PCNX1: variants seen among roughly 807,000 people sequenced by gnomAD.
PCNX1 encodes pecanex-like protein 1.
A neutral mutation model predicts 242.2 loss-of-function variants in PCNX1; 78 were observed. The ratio of observed to expected loss-of-function variants is 0.32; its 90% CI spans 0.27 to 0.39. The LOEUF (loss-of-function observed/expected upper bound fraction) is 0.39, where lower values mean the gene tolerates loss of function less well. Ranked by LOEUF, PCNX1 falls within the 10% of genes least tolerant of loss-of-function variation. The pLI is 1.00. For missense variants in PCNX1, 2,581 were observed against 2,856.5 expected, an observed-to-expected ratio of 0.90 and a Z score of 2.20; for synonymous variants, 1,024 against 1,032.9, an observed-to-expected ratio of 0.99 and a Z score of 0.17.
At chr14:70,921,979 T>A (rs1462495632) in intron 1 of PCNX1, among the ~76,000 whole-genome samples, 1 of 152,222 alleles carries the variant, frequency 6.6e-6, no homozygotes, top group East Asian at 1.9e-4. Context: ...TGATGGCCAT[T>A]CCAAGTTAAC....
chr14:71,100,480 C>T (rs999258458), intron 30 of PCNX1, among the ~76,000 whole-genome samples: 1 of 152,130 alleles, frequency 6.6e-6, no homozygotes, highest in Non-Finnish European at 1.5e-5. Context: ...GATGGGGTTC[C>T]CTTTTTATGT....
intron 26 of PCNX1, among the ~76,000 whole-genome samples, chr14:71,062,510 T>A (rs1307616172): frequency 1.3e-5 from 2 of 151,892 alleles, no homozygotes; most frequent in Admixed American, 6.5e-5. Flanking sequence ...ATTAAAAAAA[T>A]TTTAAAAAAG....
intron 8 of PCNX1, among the ~76,000 whole-genome samples, chr14:70,997,039 G>A (rs180897785): frequency 2.3e-4 from 35 of 152,108 alleles, no homozygotes; most frequent in Non-Finnish European, 3.1e-4. Flanking sequence ...TAAATAAAAT[G>A]AGAAAGCAAT....
intron 1 of PCNX1, among the ~76,000 whole-genome samples, chr14:70,932,890 G>T (rs2056859572): frequency 6.6e-6 from 1 of 152,056 alleles, no homozygotes; most frequent in Non-Finnish European, 1.5e-5. Context: ...GAGATTACAG[G>T]CTTGAGCCAC....
In PCNX1 at chr14:71,036,073, A is replaced by T; in HGVS notation, c.3783A>T (p.Arg1261=). ...PEKLRNSVSE[R]LQSDLVVCIV... ...CTTTTTTTTCCCCACAGAGTGAGCG[A>T]TTACAGTCTGACCTGGTAGTATGCA... Residue 1261 remains arginine, a synonymous_variant, in exon 19 of 36, where the codon CGA becomes CGT. Transcript: ENST00000304743. 1.9e-6 allele frequency: 3 copies of T among 1,596,030 alleles called. No individual in the cohort carries two copies. The highest frequency in any genetic ancestry group is 2.6e-6 in the Non-Finnish European group (3 of 1,164,092).
chr14:71,101,527 G>C (rs1396886414), intron 30 of PCNX1, among the ~76,000 whole-genome samples: 1 of 152,170 alleles, frequency 6.6e-6, no homozygotes, highest in Non-Finnish European at 1.5e-5. Context: ...TTAACTAGGT[G>C]AGAGGCAGGA....
intron 26 of PCNX1, among the ~76,000 whole-genome samples, chr14:71,066,909 G>A (rs1197276546): frequency 6.6e-5 from 10 of 152,026 alleles, no homozygotes; most frequent in Non-Finnish European, 2.9e-5. Flanking sequence ...GATGGATTAC[G>A]TTTATTGATT....
At chr14:71,073,043 C>T (rs2061624132) in intron 26 of PCNX1, among the ~76,000 whole-genome samples, 1 of 152,228 alleles carries the variant, frequency 6.6e-6, no homozygotes, top group Non-Finnish European at 1.5e-5. Context: ...GTGGCTCATG[C>T]CTGTAATCTC....
chr14:71,023,026 A>G (rs528690509), intron 12 of PCNX1, among the ~76,000 whole-genome samples, 174 bp from the exon 13 acceptor site: 1 of 152,144 alleles, frequency 6.6e-6, no homozygotes, highest in South Asian at 2.1e-4. Flanking sequence ...TTAATATCAC[A>G]GTGACACTGG....
At chr14:70,989,534 ATTTT>A (rs34767376) in intron 7 of PCNX1, among the ~76,000 whole-genome samples, 3 of 126,364 alleles carry the variant, frequency 2.4e-5, no homozygotes, top group Non-Finnish European at 3.2e-5. Flanking sequence ...ACAGATATAA[ATTTT>A]TTTTTTTTTT....
At position 71,026,206 on chromosome 14, in the gene PCNX1, C is replaced by T. The variant is rs764289998; in HGVS notation, c.3273C>T (p.Asn1091=). 1 of 1,610,378 alleles carries T rather than the reference C, an allele frequency of 6.2e-7. No homozygotes were observed. Among genetic ancestry groups the T allele is most frequent in the South Asian group, 1.1e-5 (1 of 90,650 alleles). The part of the protein sequence containing the change: ...LIWLLDYGSR[N]LTATKFKLYG... The stretch of plus-strand genomic sequence containing the variant: ...GGCTCTTGGATTATGGTAGCAGAAA[C>T]CTGACTGCAACCAAGTTCAAATTAT... Residue 1091 remains asparagine (N), a synonymous_variant, in exon 14 of 36, where the codon AAC becomes AAT. Transcript: ENST00000304743.
In PCNX1 at chr14:71,114,294, T is replaced by C. The variant is rs1467759674; in HGVS notation, c.*4359T>C. The C allele has an allele frequency of 1.3e-5, 2 of 152,200 alleles. No homozygotes were observed. The highest frequency in any genetic ancestry group is 3.8e-4 in the East Asian group (2 of 5,200). The allele number at this position is 152,200 out of a possible 1,614,324, so 9.4% of individuals were successfully genotyped here. A position where few individuals can be genotyped will look rare whatever the true frequency, so the allele number is the denominator to read the frequency against. On this transcript the variant is annotated 3_prime_UTR_variant, in exon 36 of 36. Transcript: ENST00000304743. Reference sequence around the variant, plus strand: ...CTTTTTTGTTTGTTTTTAATTTGGTTGATTGATATGCACCCAGGCCGTCTT... The same window carrying C: ...CTTTTTTGTTTGTTTTTAATTTGGTCGATTGATATGCACCCAGGCCGTCTT...
At chr14:71,057,764 C>T (rs1270042332) in intron 26 of PCNX1, 40 bp downstream of exon 26, 2 of 1,301,118 alleles carry the variant, frequency 1.5e-6, no homozygotes, top group Non-Finnish European at 2.2e-6. Flanking sequence ...TAGCATACTC[C>T]TGTGGCACCT....
chr14:70,922,632 T>TG (rs1440294538), intron 1 of PCNX1, among the ~76,000 whole-genome samples: 3 of 152,102 alleles, frequency 2.0e-5, no homozygotes, highest in African/African-American at 7.2e-5. Context: ...AAATAGCCAA[T>TG]GGGATTATAT....
chr14:71,055,824 T>G (rs1225080078), intron 25 of PCNX1, among the ~76,000 whole-genome samples: 1 of 152,206 alleles, frequency 6.6e-6, no homozygotes, highest in Non-Finnish European at 1.5e-5. Context: ...CTTACATAGG[T>G]TAAAATGTAG....
At chr14:70,974,698 T>C (rs1204293016) in intron 5 of PCNX1, among the ~76,000 whole-genome samples, 1 of 152,234 alleles carries the variant, frequency 6.6e-6, no homozygotes, top group Non-Finnish European at 1.5e-5. Flanking sequence ...TTCTTGGCCA[T>C]ATTGCCAGAT....
intron 8 of PCNX1, among the ~76,000 whole-genome samples, chr14:71,006,612 A>G (rs1258621850): frequency 6.6e-6 from 1 of 152,208 alleles, no homozygotes; most frequent in East Asian, 1.9e-4. Context: ...TTGTAACGGC[A>G]TATTTTACTT....
chr14:71,052,875 C>T (rs561144885), intron 24 of PCNX1, among the ~76,000 whole-genome samples: 2 of 152,244 alleles, frequency 1.3e-5, no homozygotes, highest in South Asian at 2.1e-4. Flanking sequence ...TTTCAGAAAG[C>T]GTTCCTAAAA....
chr14:70,942,121 G>C (rs543871656), intron 1 of PCNX1, among the ~76,000 whole-genome samples: 2 of 152,036 alleles, frequency 1.3e-5, no homozygotes, highest in South Asian at 4.2e-4. Flanking sequence ...TACACTCTGT[G>C]GGCTGTACCC....
Sources: gnomAD v4.1 joint callset for allele counts (sites outside exome capture counted in the v4.1 genomes callset) on GRCh38, gnomAD v4.1.1 for gene constraint, MANE v1.5 for transcripts, NCBI Gene and HGNC (gene_info 2026-07-23, HGNC 2026-07-21) for gene names.